Variants in ARHGAP15 observed in about 807,000 individuals in gnomAD.
The protein encoded by ARHGAP15 is Rho GTPase activating protein 15, also known as rho GTPase-activating protein 15.
In ARHGAP15, 51 loss-of-function variants were observed where a neutral mutation model predicts 63.7. The ratio of observed to expected loss-of-function variants is 0.80; its 90% CI spans 0.64 to 1.01. The LOEUF (loss-of-function observed/expected upper bound fraction) is 1.01, where lower values mean the gene tolerates loss of function less well. Among genes scored for constraint, ARHGAP15 ranks in the 50% least tolerant of loss-of-function variants. ARHGAP15 has a pLI of 0.00. For missense variants in ARHGAP15, 560 were observed against 564.6 expected, an observed-to-expected ratio of 0.99 and a Z score of 0.08; for synonymous variants, 191 against 193.8, an observed-to-expected ratio of 0.99 and a Z score of 0.12.
chr2:143,169,470 T>C (rs1452875328), intron 2 of ARHGAP15, among the ~76,000 whole-genome samples: 2 of 152,110 alleles, frequency 1.3e-5, no homozygotes, highest in Non-Finnish European at 2.9e-5. Flanking sequence ...AACTCCTGTC[T>C]CCTTTCAGTA....
chr2:143,566,638 C>T (rs1393182535), intron 11 of ARHGAP15, among the ~76,000 whole-genome samples: 2 of 152,112 alleles, frequency 1.3e-5, no homozygotes, highest in Non-Finnish European at 2.9e-5. Flanking sequence ...ACCACGGCTT[C>T]CTTTCTTTCT....
intron 2 of ARHGAP15, among the ~76,000 whole-genome samples, chr2:143,192,257 C>G (rs1262901806): frequency 6.6e-6 from 1 of 152,196 alleles, no homozygotes; most frequent in African/African-American, 2.4e-5. Flanking sequence ...GGAACTTGGA[C>G]TGGAGAATGT....
At chr2:143,443,785 T>C (rs140984902) in intron 8 of ARHGAP15, among the ~76,000 whole-genome samples, 3 of 152,206 alleles carry the variant, frequency 2.0e-5, no homozygotes, top group Non-Finnish European at 4.4e-5. Flanking sequence ...AATAGTATTA[T>C]GCATGAAGGT....
At chr2:143,433,610 C>T (rs7577593) in intron 6 of ARHGAP15, among the ~76,000 whole-genome samples, 16,588 of 152,040 alleles carry the variant, frequency 0.11, 1,241 homozygotes, top group African/African-American at 0.21. Context: ...AAAATGCAAA[C>T]GCACTGCTAA....
chr2:143,437,373 A>G (rs1386047793), intron 8 of ARHGAP15: 1 of 233,620 alleles, frequency 4.3e-6, no homozygotes, highest in Non-Finnish European at 8.4e-6. Context: ...TGGTATCCTG[A>G]CTATTTTATT....
chr2:143,151,554 C>T (rs1327648780), intron 1 of ARHGAP15, among the ~76,000 whole-genome samples: 2 of 151,978 alleles, frequency 1.3e-5, no homozygotes, highest in Admixed American at 6.6e-5. Flanking sequence ...TCTAATCATA[C>T]CCCTCCCATA....
At chr2:143,733,753 T>C (rs1685638807) in intron 13 of ARHGAP15, among the ~76,000 whole-genome samples, 1 of 152,144 alleles carries the variant, frequency 6.6e-6, no homozygotes, top group Non-Finnish European at 1.5e-5. Flanking sequence ...TTTTTCTCTG[T>C]TTCAGGACAT....
intron 6 of ARHGAP15, among the ~76,000 whole-genome samples, chr2:143,293,078 T>C: frequency 6.6e-6 from 1 of 152,092 alleles, no homozygotes; most frequent in East Asian, 1.9e-4. Flanking sequence ...AGTATAGAAT[T>C]AATACCCATG....
intron 13 of ARHGAP15, among the ~76,000 whole-genome samples, chr2:143,715,128 G>A (rs1452555879): frequency 6.6e-6 from 1 of 152,188 alleles, no homozygotes; most frequent in Non-Finnish European, 1.5e-5. Flanking sequence ...CATGGCTGGG[G>A]AGGCCTCAGA....
intron 2 of ARHGAP15, among the ~76,000 whole-genome samples, chr2:143,180,852 T>G (rs1353270487): frequency 6.6e-6 from 1 of 152,064 alleles, no homozygotes; most frequent in Non-Finnish European, 1.5e-5. Context: ...TTTTTGTATT[T>G]TTAGTAGAGA....
At chr2:143,234,596 C>A (rs922959794) in intron 5 of ARHGAP15, among the ~76,000 whole-genome samples, 1 of 152,184 alleles carries the variant, frequency 6.6e-6, no homozygotes, top group African/African-American at 2.4e-5. Context: ...TTCTCAGGGA[C>A]AAGATTGTGC....
intron 6 of ARHGAP15, among the ~76,000 whole-genome samples, chr2:143,294,131 GAC>G (rs1215554798): frequency 6.6e-6 from 1 of 151,942 alleles, no homozygotes; most frequent in Non-Finnish European, 1.5e-5. Flanking sequence ...AAGATTCTAA[GAC>G]AGTCTCTGTT....
chr2:143,319,586 T>C (rs1683904883), intron 6 of ARHGAP15, among the ~76,000 whole-genome samples: 1 of 152,206 alleles, frequency 6.6e-6, no homozygotes, highest in Non-Finnish European at 1.5e-5. Flanking sequence ...TCCCATATTC[T>C]GTGCTCCCCA....
chr2:143,615,883 T>TA (rs1385754080), intron 11 of ARHGAP15, among the ~76,000 whole-genome samples: 2 of 152,100 alleles, frequency 1.3e-5, no homozygotes, highest in Non-Finnish European at 2.9e-5. Flanking sequence ...GATGGTTAAA[T>TA]AAAAAGAACC....
intron 6 of ARHGAP15, among the ~76,000 whole-genome samples, chr2:143,299,823 C>T (rs2105147152): frequency 6.6e-6 from 1 of 151,934 alleles, no homozygotes; most frequent in Non-Finnish European, 1.5e-5. Context: ...TAAGACAGGC[C>T]AAGTAGTTTG....
chr2:143,580,847 A>G (rs543849086), intron 11 of ARHGAP15, among the ~76,000 whole-genome samples: 55 of 152,168 alleles, frequency 3.6e-4, no homozygotes, highest in African/African-American at 1.3e-3. Context: ...ATCATATTTG[A>G]CTTTTATATT....
chr2:143,708,547 T>C (rs1684432825), intron 13 of ARHGAP15, among the ~76,000 whole-genome samples: 1 of 152,100 alleles, frequency 6.6e-6, no homozygotes, highest in Admixed American at 6.6e-5. Context: ...ACCCCCATTC[T>C]CATACCCAAT....
intron 2 of ARHGAP15, among the ~76,000 whole-genome samples, chr2:143,196,907 T>C (rs1306117154): frequency 6.6e-6 from 1 of 151,968 alleles, no homozygotes; most frequent in Non-Finnish European, 1.5e-5. Context: ...AAATAATTTA[T>C]TGAAATAAAG....
chr2:143,204,221 T>C (rs1480957083), intron 3 of ARHGAP15, among the ~76,000 whole-genome samples: 2 of 152,174 alleles, frequency 1.3e-5, no homozygotes, highest in Non-Finnish European at 2.9e-5. Flanking sequence ...TTCTACTGTT[T>C]ATTTTCAACA....
Sources: gnomAD v4.1 joint callset for allele counts (sites outside exome capture counted in the v4.1 genomes callset) on GRCh38, gnomAD v4.1.1 for gene constraint, MANE v1.5 for transcripts, NCBI Gene and HGNC (gene_info 2026-07-23, HGNC 2026-07-21) for gene names.